Variants in PTGIS observed in about 807,000 individuals in gnomAD.
PTGIS encodes the protein prostaglandin I2 synthase.
A neutral mutation model predicts 50.3 loss-of-function variants in PTGIS; 45 were observed. That is an observed-to-expected ratio of 0.90 (90% CI 0.70 to 1.15). PTGIS has a LOEUF of 1.15. Ranked by LOEUF, PTGIS falls within the 50% of genes most tolerant of loss-of-function variation. The pLI is 0.00. For missense variants in PTGIS, 668 were observed against 661.3 expected, an observed-to-expected ratio of 1.01 and a Z score of -0.11; for synonymous variants, 260 against 267.7, an observed-to-expected ratio of 0.97 and a Z score of 0.28.
At position 49,524,076 on chromosome 20, in the gene PTGIS, C is replaced by T. The variant is rs1379015304; in HGVS notation, c.837G>A (p.Leu279=). Residue 279 remains leucine (L), a synonymous_variant, in exon 6 of 10, where the codon CTG becomes CTA. Transcript: ENST00000244043. ...SEEMQARALV[L]QLWATQGNMG... ...CACCCACCTGTGTGGCCCACAGCTG[C>T]AGCACCAGGGCCCGTGCCTGCATCT... is the stretch of plus-strand genomic sequence containing the variant. The T allele has an allele frequency of 1.9e-6, 3 of 1,614,206 alleles. No homozygotes were observed. The highest frequency in any genetic ancestry group is 2.5e-6 in the Non-Finnish European group (3 of 1,180,032).
rs540133274 is a variant in PTGIS at position 49,540,574 on chromosome 20, A to G, written c.522-853T>C. Among the ~76,000 whole-genome samples the G allele has an allele frequency of 1.2e-4, 19 of 152,226 alleles. No homozygotes were observed. The highest frequency in any genetic ancestry group is 4.6e-4 in the African/African-American group (19 of 41,540). On this transcript the variant is annotated intron_variant, in intron 4 of 9. Coordinates refer to ENST00000244043, the MANE Select transcript of PTGIS (RefSeq NM_000961.4). The surrounding 1 kb of genome is among the most constrained non-coding windows in gnomAD (Gnocchi z 4.8). ...GATCTGAGGGGCTCTGGGAGGCCCG[A>G]GAAGGAGGTCAGGGCCTGGTCAAGT...
At chr20:49,527,551 T>C (rs1203501755) in intron 5 of PTGIS, among the ~76,000 whole-genome samples, 1 of 151,912 alleles carries the variant, frequency 6.6e-6, no homozygotes, top group African/African-American at 2.4e-5. Context: ...GAAAGTAGAA[T>C]AGAAGAGACA....
intron 6 of PTGIS, among the ~76,000 whole-genome samples, chr20:49,521,612 T>C (rs1981651944): frequency 6.6e-6 from 1 of 152,220 alleles, no homozygotes; most frequent in Non-Finnish European, 1.5e-5. Flanking sequence ...TAGGCACTGA[T>C]GTGGGGGACA....
chr20:49,541,034 C>T (rs1982213063), intron 4 of PTGIS, among the ~76,000 whole-genome samples: 1 of 152,224 alleles, frequency 6.6e-6, no homozygotes, highest in South Asian at 2.1e-4. Context: ...CTCACCTGCA[C>T]AGTGGTGGCA....
intron 1 of PTGIS, among the ~76,000 whole-genome samples, chr20:49,559,293 A>C (rs1409243863): frequency 2.0e-5 from 3 of 152,190 alleles, no homozygotes; most frequent in Non-Finnish European, 4.4e-5. Flanking sequence ...TTTATCTTCT[A>C]TATAAACAAG....
At position 49,514,271 on chromosome 20, in the gene PTGIS, G is replaced by A. The variant is rs143458794; in HGVS notation, c.980C>T (p.Thr327Met). Residue 327 changes from threonine to methionine, a missense_variant, in exon 7 of 10, where the codon ACG becomes ATG. Transcript: ENST00000244043. ...TAGAACCTTCTGTGGGAGAGTGGTC[G>A]TCTGCGAGACAGGCTGCTCCGCTTG... is the stretch of plus-strand genomic sequence containing the variant. ...LWQAEQPVSQTTTLPQKVLDS... is the reference protein window; with the variant it reads ...LWQAEQPVSQMTTLPQKVLDS... 4.9e-4 allele frequency: 796 copies of A among 1,614,080 alleles called. No homozygotes were observed. Among genetic ancestry groups the A allele is most frequent in the Middle Eastern group, 6.6e-4 (4 of 6,062 alleles).
chr20:49,537,915 A>G (rs1982121618), intron 5 of PTGIS, among the ~76,000 whole-genome samples: 1 of 152,136 alleles, frequency 6.6e-6, no homozygotes, highest in African/African-American at 2.4e-5. Flanking sequence ...TGGATAAACA[A>G]ATTGTGGCAT....
At chr20:49,536,884 A>C (rs148466274) in intron 5 of PTGIS, among the ~76,000 whole-genome samples, 74 of 152,258 alleles carry the variant, frequency 4.9e-4, no homozygotes, top group African/African-American at 1.8e-3. Flanking sequence ...AGGCACAGAG[A>C]AAACACACAG....
intron 1 of PTGIS, among the ~76,000 whole-genome samples, chr20:49,560,367 CTTTG>C (rs1027601570): frequency 2.6e-5 from 4 of 152,072 alleles, no homozygotes; most frequent in Non-Finnish European, 5.9e-5. Flanking sequence ...TCACACCTGA[CTTTG>C]TTTTTCTATT....
chr20:49,558,253 G>A (rs1466600318), intron 1 of PTGIS, among the ~76,000 whole-genome samples: 1 of 152,148 alleles, frequency 6.6e-6, no homozygotes, highest in African/African-American at 2.4e-5. Context: ...GCCAGGTGTG[G>A]TGGTGTGCAC....
chr20:49,530,904 C>T (rs985086639), intron 5 of PTGIS, among the ~76,000 whole-genome samples: 1 of 152,114 alleles, frequency 6.6e-6, no homozygotes, highest in Non-Finnish European at 1.5e-5. Flanking sequence ...AGACTACAGG[C>T]GTGCACCACC....
rs140049482 is a variant in PTGIS, at chr20:49,516,448, T to C, written c.856-2053A>G. On this transcript the variant is annotated intron_variant, in intron 6 of 9. Coordinates refer to ENST00000244043, the MANE Select transcript of PTGIS (RefSeq NM_000961.4). ...CACCACCATGCCCGGCTAATCTTTC[T>C]ATTTTTTGTAAAGATGAGGTCTCAC... 5.4e-3 allele frequency among the ~76,000 whole-genome samples: 824 copies of C among 152,236 alleles called. 24 individuals are homozygous for C. The highest frequency in any genetic ancestry group is 0.038 in the Admixed American group (574 of 15,286).
At chr20:49,537,292 G>A (rs935237067) in intron 5 of PTGIS, among the ~76,000 whole-genome samples, 3 of 152,170 alleles carry the variant, frequency 2.0e-5, no homozygotes, top group African/African-American at 7.2e-5. Context: ...TACGGCCCCT[G>A]CACACGGAAT....
At chr20:49,559,573 A>G (rs1982712723) in intron 1 of PTGIS, among the ~76,000 whole-genome samples, 1 of 152,246 alleles carries the variant, frequency 6.6e-6, no homozygotes, top group Admixed American at 6.5e-5. Context: ...ACGAACGGAT[A>G]AACAGAATGT....
At chr20:49,531,594 T>A (rs114284379) in intron 5 of PTGIS, among the ~76,000 whole-genome samples, 1,574 of 152,332 alleles carry the variant, frequency 0.01, 30 homozygotes, top group African/African-American at 0.036. Context: ...AGAGGCTTGC[T>A]GTCTACTTGG....
intron 1 of PTGIS, among the ~76,000 whole-genome samples, chr20:49,560,608 G>A (rs777443236): frequency 2.0e-5 from 3 of 152,220 alleles, no homozygotes; most frequent in Non-Finnish European, 1.5e-5. Context: ...GGTGGTCAAG[G>A]AGGGCCTCCT....
At chr20:49,535,359 A>G (rs1379994085) in intron 5 of PTGIS, among the ~76,000 whole-genome samples, 1 of 152,238 alleles carries the variant, frequency 6.6e-6, no homozygotes, top group East Asian at 1.9e-4. Flanking sequence ...AAGTGGGCAG[A>G]GAGAAATGAA....
rs1981088479 is a variant in PTGIS, at chr20:49,504,556, T to C, written c.*3364A>G. The C allele has an allele frequency of 1.3e-5, 2 of 151,674 alleles. No homozygotes were observed. Among genetic ancestry groups the C allele is most frequent in the African/African-American group, 4.8e-5 (2 of 41,274 alleles). 9.4% of individuals were successfully genotyped at this position (151,674 alleles called of 1,614,324 possible). On this transcript the variant is annotated 3_prime_UTR_variant, in exon 10 of 10. Transcript: ENST00000244043. The stretch of plus-strand genomic sequence containing the variant: ...TAAAAATACAAAAATCAGTTGGGCG[T>C]GGTGGTGTGCGCCTGTAATCTCAGC...
At chr20:49,550,586 G>T (rs964291896) in intron 1 of PTGIS, among the ~76,000 whole-genome samples, 1 of 152,196 alleles carries the variant, frequency 6.6e-6, no homozygotes, top group African/African-American at 2.4e-5. Context: ...ACTCCATGTA[G>T]GTGGCCCTGG....
Sources: allele counts gnomAD v4.1 joint callset (sites outside exome capture counted in the v4.1 genomes callset), GRCh38; gene constraint gnomAD v4.1.1; non-coding constraint Gnocchi (gnomAD v3.1); transcripts MANE v1.5; gene names NCBI Gene and HGNC (gene_info 2026-07-23, HGNC 2026-07-21).